SH2D1B: variants seen among roughly 807,000 people sequenced by gnomAD.
SH2D1B encodes the protein SH2 domain-containing protein 1B.
A neutral mutation model predicts 16.3 loss-of-function variants in SH2D1B; 11 were observed. The observed-to-expected ratio is 0.67, with a 90% CI of 0.42 to 1.11. SH2D1B has a LOEUF of 1.11. Ranked by LOEUF, SH2D1B falls within the 50% of genes most tolerant of loss-of-function variation. The probability of loss-of-function intolerance (pLI) is 0.00; values close to 1 mark genes in which losing one functional copy is unlikely to be tolerated. For missense variants in SH2D1B, 123 were observed against 153.1 expected (o/e 0.80, Z 1.04); for synonymous variants, 55 against 56.1 (o/e 0.98, Z 0.09).
chr1:162,402,377 G>A (rs1380427692), intron 2 of SH2D1B: 1 of 164,624 alleles, frequency 6.1e-6, no homozygotes, highest in African/African-American at 2.4e-5. Flanking sequence ...TGGGGGTGGT[G>A]GCGCGCGCCT....
At chr1:162,403,511 AATATAT>A (rs201259868) in intron 1 of SH2D1B, among the ~76,000 whole-genome samples, 2,081 of 40,902 alleles carry the variant, frequency 0.051, 90 homozygotes, top group Middle Eastern at 0.16. Context: ...AAAAAAAAAA[AATATAT>A]ATATATATAT....
chr1:162,404,635 T>A (rs1648609645), intron 1 of SH2D1B, among the ~76,000 whole-genome samples: 1 of 152,234 alleles, frequency 6.6e-6, no homozygotes, highest in South Asian at 2.1e-4. Flanking sequence ...TAAAATCTGC[T>A]GTTGAACCTC....
At chr1:162,403,953 G>A (rs2265613) in intron 1 of SH2D1B, among the ~76,000 whole-genome samples, 38,270 of 151,888 alleles carry the variant, frequency 0.25, 4,963 homozygotes, top group East Asian at 0.4. Context: ...AGAGGGGGAG[G>A]ATTAGGGAGA....
Position 162,410,871 on chromosome 1 carries a change from G to A in SH2D1B, c.134+1012C>T, listed in dbSNP as rs150348520. Among the ~76,000 whole-genome samples the A allele has an allele frequency of 7.5e-3, 1,140 of 151,880 alleles. 17 individuals are homozygous for A. The highest frequency in any genetic ancestry group is 0.026 in the African/African-American group (1,074 of 41,398). On this transcript the variant is annotated intron_variant, in intron 1 of 3. Coordinates refer to ENST00000367929, the MANE Select transcript of SH2D1B (RefSeq NM_053282.5). ...GGGTTTCTTCGTGTTGGTCAGGCTG[G>A]TCTCGAACTCCCGACCTCAGGTGAT...
At chr1:162,402,296 A>G (rs1648533252) in intron 2 of SH2D1B, among the ~76,000 whole-genome samples, 1 of 152,102 alleles carries the variant, frequency 6.6e-6, no homozygotes, top group African/African-American at 2.4e-5. Context: ...GCGGATCACA[A>G]GGTCAGGAGA....
intron 1 of SH2D1B, among the ~76,000 whole-genome samples, chr1:162,408,560 A>G (rs1313354209): frequency 1.3e-5 from 2 of 151,414 alleles, no homozygotes; most frequent in Non-Finnish European, 2.9e-5. Flanking sequence ...CTACAGGCGC[A>G]TGCCACCACA....
intron 1 of SH2D1B, among the ~76,000 whole-genome samples, chr1:162,407,879 A>G (rs1042737538): frequency 1.1e-4 from 16 of 152,212 alleles, no homozygotes; most frequent in African/African-American, 3.4e-4. Flanking sequence ...TGTATTACCA[A>G]TGCTTAGGAC....
intron 1 of SH2D1B, among the ~76,000 whole-genome samples, chr1:162,410,789 T>A (rs1571276757): frequency 6.9e-6 from 1 of 145,390 alleles, no homozygotes. Context: ...CCCAAATAGC[T>A]GGGATTACAA....
rs1012521414 is a variant in SH2D1B, at chr1:162,411,971, C to T, written c.46G>A (p.Glu16Lys). Reference sequence around the variant, plus strand: ...ACCCCTTCCTTGAGCAGCAAGGTCTCACAGTCTTGCTTGGTCAGACGTCCA... The same window carrying T: ...ACCCCTTCCTTGAGCAGCAAGGTCTTACAGTCTTGCTTGGTCAGACGTCCA... ...YHGRLTKQDC[E>K]TLLLKEGVDG... The change falls in exon 1 of 4, where the codon GAG (glutamate) becomes AAG (lysine). Residue 16 changes from glutamate (E) to lysine (K), a missense_variant. Glu to Lys is a moderately conservative substitution (Grantham distance 56). Transcript: ENST00000367929. 2.5e-6 allele frequency: 4 copies of T among 1,613,966 alleles called. No homozygotes were observed. Among genetic ancestry groups the T allele is most frequent in the East Asian group, 2.2e-5 (1 of 44,880 alleles).
chr1:162,411,687 C>T lies in SH2D1B; in HGVS notation c.134+196G>A, dbSNP rs534628585. Among the ~76,000 whole-genome samples the T allele has an allele frequency of 2.0e-5, 3 of 152,266 alleles. No individual in the cohort carries two copies. The South Asian group carries it at 6.2e-4, about 32-fold the overall frequency. ...GCAGAGTCTGCTTGCAGGGCCTTTACACCAGGGAGAGCAGGCAGATGGAGG... is the reference window on the plus strand; with the variant it reads ...GCAGAGTCTGCTTGCAGGGCCTTTATACCAGGGAGAGCAGGCAGATGGAGG... On this transcript the variant is annotated intron_variant, in intron 1 of 3. Transcript: ENST00000367929.
chr1:162,403,299 G>A (rs1038252392), intron 1 of SH2D1B, among the ~76,000 whole-genome samples: 1 of 151,412 alleles, frequency 6.6e-6, no homozygotes, highest in Non-Finnish European at 1.5e-5. Context: ...GACCAGCCTG[G>A]CCAACATAGT....
In SH2D1B at chr1:162,412,109, T is replaced by C. The variant is rs1648811707; in HGVS notation, c.-93A>G. ...CTGAGGAGAGATGTGTAAGCAGCTG[T>C]ACCTCCTGTGGAGCTACCTCTTCCT... On this transcript the variant is annotated 5_prime_UTR_variant, in exon 1 of 4. Coordinates refer to ENST00000367929, the MANE Select transcript of SH2D1B (RefSeq NM_053282.5). The C allele has an allele frequency of 2.0e-6, 3 of 1,527,822 alleles. No individual in the cohort carries two copies. The highest frequency in any genetic ancestry group is 2.7e-6 in the Non-Finnish European group (3 of 1,113,774). The allele number at this position is 1,527,822 out of a possible 1,614,324, so 94.6% of individuals were successfully genotyped here.
At chr1:162,405,912 C>G (rs1357350445) in intron 1 of SH2D1B, among the ~76,000 whole-genome samples, 1 of 152,188 alleles carries the variant, frequency 6.6e-6, no homozygotes, top group Non-Finnish European at 1.5e-5. Context: ...CAGATTAGCA[C>G]GGTCTCATGT....
intron 1 of SH2D1B, among the ~76,000 whole-genome samples, chr1:162,411,048 T>G (rs1648783329): frequency 6.6e-6 from 1 of 151,772 alleles, no homozygotes; most frequent in Non-Finnish European, 1.5e-5. Flanking sequence ...CTCTGCCTCC[T>G]GGGTTCAAGT....
At chr1:162,403,488 GAAAAAAAAAAA>G (rs1172751501) in intron 1 of SH2D1B, among the ~76,000 whole-genome samples, 2 of 20,692 alleles carry the variant, frequency 9.7e-5, no homozygotes, top group African/African-American at 2.9e-4. Flanking sequence ...GACTCTGTCT[GAAAAAAAAAAA>G]AAAAAAAAAA....
intron 1 of SH2D1B, among the ~76,000 whole-genome samples, chr1:162,405,401 C>T (rs1241876744): frequency 6.6e-6 from 1 of 152,140 alleles, no homozygotes; most frequent in African/African-American, 2.4e-5. Context: ...TCAAATTGTA[C>T]ACTTTTTATT....
chr1:162,403,116 A>C (rs116420628), intron 1 of SH2D1B, among the ~76,000 whole-genome samples: 2,351 of 152,138 alleles, frequency 0.015, 73 homozygotes, highest in African/African-American at 0.054. Context: ...AGAGAAAGGA[A>C]AACCCTTGTA....
At chr1:162,409,731 C>T (rs164406) in intron 1 of SH2D1B, among the ~76,000 whole-genome samples, 44,988 of 151,860 alleles carry the variant, frequency 0.3, 6,894 homozygotes, top group Middle Eastern at 0.43. Context: ...CTGCACCCAC[C>T]ATGCCTGGCT....
At chr1:162,402,475 A>ATG (rs2101859723) in intron 2 of SH2D1B, 1 of 259,140 alleles carries the variant, frequency 3.9e-6, no homozygotes, top group Admixed American at 5.2e-5. Context: ...CCGAGATCGC[A>ATG]CCACTGCACT....
Sources: gnomAD v4.1 joint callset for allele counts (sites outside exome capture counted in the v4.1 genomes callset) on GRCh38, gnomAD v4.1.1 for gene constraint, MANE v1.5 for transcripts, NCBI Gene and HGNC (gene_info 2026-07-23, HGNC 2026-07-21) for gene names.